PLCL2: variants seen among roughly 807,000 people sequenced by gnomAD.
PLCL2 encodes inactive phospholipase C-like protein 2.
PLCL2 carries 4 observed loss-of-function variants against 79.6 expected under a neutral mutation model. That is an observed-to-expected ratio of 0.05 (90% confidence interval 0.02 to 0.11). PLCL2 has a LOEUF of 0.11. Among genes scored for constraint, PLCL2 ranks in the 10% least tolerant of loss-of-function variants. The pLI is 1.00. For missense variants in PLCL2, 895 were observed against 1,291.0 expected (o/e 0.69, Z 4.70); for synonymous variants, 484 against 457.7 (o/e 1.06, Z -0.73).
At position 17,014,563 on chromosome 3, in the gene PLCL2, A is replaced by G. The variant is rs1326644859; in HGVS notation, c.2815-145A>G. 10 of 680,248 alleles carry G rather than the reference A, an allele frequency of 1.5e-5. No individual in the cohort carries two copies. In the African/African-American group the frequency reaches 1.6e-4, roughly 11 times the overall value. 42.1% of individuals were successfully genotyped at this position (680,248 alleles called of 1,614,324 possible). ...TGACAGCCATTTTTCCCAGGATAAA[A>G]CAATCATTAGCCAATTCTGTTATAA... On this transcript the variant is annotated intron_variant, in intron 2 of 5. Coordinates refer to ENST00000615277, the MANE Select transcript of PLCL2 (RefSeq NM_001144382.2).
intron 1 of PLCL2, among the ~76,000 whole-genome samples, chr3:16,994,505 C>T (rs1489587520): frequency 6.6e-6 from 1 of 152,064 alleles, no homozygotes; most frequent in African/African-American, 2.4e-5. Flanking sequence ...CTTTCATTTG[C>T]ATATAACACC....
intron 1 of PLCL2, among the ~76,000 whole-genome samples, chr3:16,890,083 C>T (rs1449492983): frequency 6.6e-6 from 1 of 152,234 alleles, no homozygotes; most frequent in Non-Finnish European, 1.5e-5. Context: ...CACAAGTTAA[C>T]TGTTGAAAGG....
chr3:16,998,759 G>A (rs2064178851), intron 1 of PLCL2, among the ~76,000 whole-genome samples: 1 of 152,150 alleles, frequency 6.6e-6, no homozygotes, highest in Non-Finnish European at 1.5e-5. Context: ...AAGCAGTATT[G>A]TATGTCATTA....
At position 17,009,077 on chromosome 3, in the gene PLCL2, C is replaced by A. The variant is rs539618117; in HGVS notation, c.328-597C>A. Among the ~76,000 whole-genome samples the A allele has an allele frequency of 1.3e-5, 2 of 151,906 alleles. No homozygotes were observed. ...TCAGCTCACTGCAACCTTTGCCTCA[C>A]GGATTCAAACGATTCTCCTGCCTCA... On this transcript the variant is annotated intron_variant, in intron 1 of 5. Transcript: ENST00000615277. This position sits in a 1 kb window ranked among gnomAD's most constrained non-coding sequence, Gnocchi z 4.0.
intron 5 of PLCL2, among the ~76,000 whole-genome samples, chr3:17,076,343 C>G (rs200059815): frequency 2.6e-5 from 4 of 151,852 alleles, no homozygotes; most frequent in African/African-American, 9.7e-5. Context: ...TAGTTTTTAA[C>G]AAATTTGGAA....
intron 3 of PLCL2, among the ~76,000 whole-genome samples, chr3:17,038,751 A>G (rs73154906): frequency 7.2e-5 from 11 of 152,328 alleles, no homozygotes; most frequent in African/African-American, 1.9e-4. Flanking sequence ...TGATATTACT[A>G]TTGTAATTGT....
chr3:16,956,336 G>A (rs2063705302), intron 1 of PLCL2, among the ~76,000 whole-genome samples: 1 of 152,150 alleles, frequency 6.6e-6, no homozygotes, highest in Non-Finnish European at 1.5e-5. Flanking sequence ...TATGTTTATT[G>A]ATTTGCATAT....
chr3:17,062,593 G>A (rs759783220), intron 4 of PLCL2, among the ~76,000 whole-genome samples: 2 of 152,084 alleles, frequency 1.3e-5, no homozygotes, highest in Non-Finnish European at 2.9e-5. Flanking sequence ...GACTTTTATA[G>A]TGCCATTTAG....
At chr3:16,952,951 A>T (rs1458060214) in intron 1 of PLCL2, among the ~76,000 whole-genome samples, 1 of 152,164 alleles carries the variant, frequency 6.6e-6, no homozygotes, top group Non-Finnish European at 1.5e-5. Flanking sequence ...TGAATTAATC[A>T]GAAGTTCCTA....
At chr3:17,062,402 T>C (rs1334930717) in intron 4 of PLCL2, among the ~76,000 whole-genome samples, 5 of 152,246 alleles carry the variant, frequency 3.3e-5, no homozygotes, top group African/African-American at 1.2e-4. Context: ...GTTTTGGTTT[T>C]CAAATGAAGT....
At chr3:16,971,121 A>C (rs1431226872) in intron 1 of PLCL2, among the ~76,000 whole-genome samples, 1 of 150,968 alleles carries the variant, frequency 6.6e-6, no homozygotes, top group Non-Finnish European at 1.5e-5. Flanking sequence ...GGTGTTTTAG[A>C]CATGAAGTCC....
chr3:16,921,454 A>G (rs929817796), intron 1 of PLCL2, among the ~76,000 whole-genome samples: 3 of 152,216 alleles, frequency 2.0e-5, no homozygotes, highest in Admixed American at 2.0e-4. Flanking sequence ...CTGATAGAGT[A>G]TCTAGGAAAG....
intron 1 of PLCL2, among the ~76,000 whole-genome samples, chr3:16,928,893 T>A (rs1488972394): frequency 6.6e-6 from 1 of 152,086 alleles, no homozygotes; most frequent in African/African-American, 2.4e-5. Context: ...AGGTTGTGGG[T>A]GACCTTGGCA....
At chr3:17,089,681 A>C in intron 5 of PLCL2, 52 bp from the exon 6 acceptor site, 1 of 1,038,626 alleles carries the variant, frequency 9.6e-7, no homozygotes, top group Non-Finnish European at 1.4e-6. Context: ...GTTGAAGTAT[A>C]ACACTAAGTT....
At chr3:17,012,716 A>G (rs775070880) in intron 2 of PLCL2, among the ~76,000 whole-genome samples, 1 of 152,242 alleles carries the variant, frequency 6.6e-6, no homozygotes, top group Non-Finnish European at 1.5e-5. Flanking sequence ...GTTTAAGATA[A>G]TAATTACCTC....
intron 3 of PLCL2, among the ~76,000 whole-genome samples, chr3:17,017,820 C>A (rs770503312): frequency 1.3e-5 from 2 of 151,994 alleles, no homozygotes; most frequent in Non-Finnish European, 2.9e-5. Flanking sequence ...TTTTCAATAT[C>A]TAGACTGTAT....
intron 1 of PLCL2, among the ~76,000 whole-genome samples, chr3:16,931,960 G>C (rs1697409895): frequency 6.6e-6 from 1 of 152,166 alleles, no homozygotes; most frequent in African/African-American, 2.4e-5. Flanking sequence ...TATAAGAAGA[G>C]GCCAGAGAGC....
intron 5 of PLCL2, among the ~76,000 whole-genome samples, chr3:17,087,920 T>C (rs1433210683): frequency 6.6e-6 from 1 of 152,158 alleles, no homozygotes; most frequent in Non-Finnish European, 1.5e-5. Flanking sequence ...TGAAGGGAAA[T>C]ACACTATTTA....
chr3:16,961,005 C>A (rs1222885539), intron 1 of PLCL2, among the ~76,000 whole-genome samples: 1 of 152,064 alleles, frequency 6.6e-6, no homozygotes, highest in Non-Finnish European at 1.5e-5. Flanking sequence ...CAGCAAAACA[C>A]AAAAAGTTTC....
Sources: allele counts gnomAD v4.1 joint callset (sites outside exome capture counted in the v4.1 genomes callset), GRCh38; gene constraint gnomAD v4.1.1; non-coding constraint Gnocchi (gnomAD v3.1); transcripts MANE v1.5; gene names NCBI Gene and HGNC (gene_info 2026-07-23, HGNC 2026-07-21).